The following WDR3 variants were observed in gnomAD, a reference collection of about 807,000 sequenced individuals.
The protein encoded by WDR3 is WD repeat-containing protein 3.
WDR3 carries 81 observed loss-of-function variants against 123.7 expected under a neutral mutation model. That is an observed-to-expected ratio of 0.65 (90% CI 0.55 to 0.79). The LOEUF is 0.79. Among genes scored for constraint, WDR3 ranks in the 30% least tolerant of loss-of-function variants. The pLI, the probability that WDR3 is intolerant of heterozygous loss-of-function variation, is 0.00. For synonymous variants in WDR3, 390 were observed against 388.8 expected (o/e 1.00, Z -0.04); for missense variants, 1,027 against 1,123.2 (o/e 0.91, Z 1.22).
intron 23 of WDR3, 115 bp downstream of exon 23, chr1:117,954,742 C>T (rs1651914980): frequency 1.0e-5 from 11 of 1,104,780 alleles, no homozygotes; most frequent in Non-Finnish European, 1.4e-5. Context: ...ACTTTGTCTT[C>T]AAAAGTCTCT....
At chr1:117,946,712 C>G (rs1205748711) in intron 12 of WDR3, among the ~76,000 whole-genome samples, 2 of 151,978 alleles carry the variant, frequency 1.3e-5, no homozygotes, top group African/African-American at 4.8e-5. Context: ...GAGGCCGAGG[C>G]AGGCGGATCA....
chr1:117,959,191 A>T (rs546085106), intron 26 of WDR3, 101 bp from the exon 27 acceptor site: 108 of 1,442,592 alleles, frequency 7.5e-5, no homozygotes, highest in Non-Finnish European at 9.1e-5. Flanking sequence ...GGGAAAGATA[A>T]GTAACAACAC....
rs563370032 is a variant in WDR3, at chr1:117,947,949, T to C, written c.1423-456T>C. Among the ~76,000 whole-genome samples, 92 of 152,260 alleles carry C rather than the reference T, an allele frequency of 6.0e-4. 1 individual carries two copies. In the South Asian group the frequency reaches 0.018, roughly 31 times the overall value. On this transcript the variant is annotated intron_variant, in intron 12 of 26. Coordinates refer to ENST00000349139, the MANE Select transcript of WDR3 (RefSeq NM_006784.3). ...GGTAGATCCCATTTCTTATTGTCAA[T>C]GTATTGCAGAGGAGGAAACCAAAAG...
chr1:117,948,026 C>T (rs537394969), intron 12 of WDR3, among the ~76,000 whole-genome samples: 3 of 152,262 alleles, frequency 2.0e-5, no homozygotes, highest in East Asian at 1.9e-4. Context: ...GGATCATCCG[C>T]TTAAAGGATT....
In WDR3 at chr1:117,954,040, C is replaced by T. The variant is rs1452692018; in HGVS notation, c.2302C>T (p.Arg768Ter). ...GATTATGGAGGCTATTGAGTTGTACCGAGAAGAAACTGCAAAAATGAAGGA... is the reference window on the plus strand; with the variant it reads ...GATTATGGAGGCTATTGAGTTGTACTGAGAAGAAACTGCAAAAATGAAGGA... ...ERIMEAIELY[R>*]EETAKMKEHK... is the part of the protein sequence containing the mutation. The change falls in exon 22 of 27, where the codon CGA becomes TGA. Residue 768 changes from arginine to a stop codon, truncating the protein, a stop_gained. Transcript: ENST00000349139. LOFTEE classifies it high-confidence loss of function. 22 of 1,611,512 alleles carry T rather than the reference C, an allele frequency of 1.4e-5. No individual in the cohort carries two copies. The Admixed American group carries it at 1.7e-4, about 12-fold the overall frequency.
rs985257135 is a variant in WDR3 at position 117,964,811 on chromosome 1, C to T, written c.*5364C>T. ...ACATCAGTGCTATCTGACACAAGTT[C>T]CTTTAACTTTCTCCTTCACCTCGGA... On this transcript the variant is annotated 3_prime_UTR_variant, in exon 27 of 27. Coordinates refer to ENST00000349139, the MANE Select transcript of WDR3 (RefSeq NM_006784.3). The T allele has an allele frequency of 6.6e-6, 1 of 152,186 alleles. No homozygotes were observed. The highest frequency in any genetic ancestry group is 2.4e-5 in the African/African-American group (1 of 41,448). 9.4% of individuals were successfully genotyped at this position (152,186 alleles called of 1,614,324 possible).
chr1:117,960,144 G>GTGTGTGTA lies in WDR3; in HGVS notation c.*700_*701insGTGTATGT, dbSNP rs1469358281. 8.0e-6 allele frequency: 1 copy of GTGTGTGTA among 125,156 alleles called. No individual in the cohort carries two copies. Among genetic ancestry groups the GTGTGTGTA allele is most frequent in the East Asian group, 2.5e-4 (1 of 3,972 alleles). 7.8% of individuals were successfully genotyped at this position (125,156 alleles called of 1,614,324 possible). A position where few individuals can be genotyped will look rare whatever the true frequency, so the allele number is the denominator to read the frequency against. ...TGTGTGTGTGTGTGTGTGTGTGTGT[G>GTGTGTGTA]TGTATGTGTATGTGTATGTACACAT... On this transcript the variant is annotated 3_prime_UTR_variant, in exon 27 of 27. Transcript: ENST00000349139.
intron 23 of WDR3, 197 bp from the exon 24 acceptor site, chr1:117,955,118 A>C: frequency 2.1e-6 from 1 of 473,410 alleles, no homozygotes; most frequent in South Asian, 4.6e-5. Context: ...CTTGACTTGT[A>C]GCATAGTTGG....
Position 117,966,481 on chromosome 1 carries a change from TAATA to T in WDR3, c.*7038_*7041del. 1 of 970,274 alleles carries T rather than the reference TAATA, an allele frequency of 1.0e-6. No individual in the cohort carries two copies. Among genetic ancestry groups the T allele is most frequent in the Admixed American group, 3.0e-5 (1 of 33,472 alleles). 60.1% of individuals were successfully genotyped at this position (970,274 alleles called of 1,614,324 possible). On this transcript the variant is annotated 3_prime_UTR_variant, in exon 27 of 27. Coordinates refer to ENST00000349139, the MANE Select transcript of WDR3 (RefSeq NM_006784.3). ...AGATGAATGAAGATGCTCTTTGTCT[TAATA>T]AATTTAACTCTGATTTTGAAGATAG... is the stretch of plus-strand genomic sequence containing the variant.
chr1:117,933,201 C>A, intron 1 of WDR3, 87 bp from the exon 2 acceptor site: 1 of 1,205,378 alleles, frequency 8.3e-7, no homozygotes, highest in Non-Finnish European at 1.1e-6. Flanking sequence ...GAGACTCTGT[C>A]TCAAAAACAA....
Position 117,936,868 on chromosome 1 carries a change from A to G in WDR3, c.481A>G (p.Lys161Glu), listed in dbSNP as rs751481934. 1.9e-6 allele frequency: 3 copies of G among 1,612,926 alleles called. No individual in the cohort carries two copies. The highest frequency in any genetic ancestry group is 1.7e-6 in the Non-Finnish European group (2 of 1,179,224). ...AITQALFLRE[K>E]NLLVTSGKDT... ...CACACAAGCATTGTTTCTACGAGAA[A>G]AGAACCTGCTAGTTACTAGGTAAAG... is the stretch of plus-strand genomic sequence containing the variant. The change falls in exon 4 of 27, where the codon AAG (lysine) becomes GAG (glutamate). Residue 161 changes from lysine (K) to glutamate (E), a missense_variant. Coordinates refer to ENST00000349139, the MANE Select transcript of WDR3 (RefSeq NM_006784.3).
chr1:117,931,488 C>G (rs1315616613), intron 1 of WDR3, among the ~76,000 whole-genome samples: 4 of 151,844 alleles, frequency 2.6e-5, no homozygotes, highest in African/African-American at 9.7e-5. Context: ...GAGAGGGGTA[C>G]CAGAAGTAAG....
In WDR3 at chr1:117,934,948, G is replaced by A. The variant is rs191991355; in HGVS notation, c.381+266G>A. Among the ~76,000 whole-genome samples, 42 of 152,228 alleles carry A rather than the reference G, an allele frequency of 2.8e-4. No individual in the cohort carries two copies. In the East Asian group the frequency reaches 3.7e-3, roughly 13 times the overall value. ...ATAACTCTTATTGTGGAAGTGCTAC[G>A]CAAAACAGTAAAATAAGGAAAGAAA... is the stretch of plus-strand genomic sequence containing the variant. On this transcript the variant is annotated intron_variant, in intron 3 of 26. Coordinates refer to ENST00000349139, the MANE Select transcript of WDR3 (RefSeq NM_006784.3).
At position 117,959,570 on chromosome 1, in the gene WDR3, A is replaced by G; in HGVS notation, c.*123A>G. On this transcript the variant is annotated 3_prime_UTR_variant, in exon 27 of 27. Coordinates refer to ENST00000349139, the MANE Select transcript of WDR3 (RefSeq NM_006784.3). ...AACAGAAGATCGCATTGCAGATGATATCAGGATGTGGTTTCCAGCTTTGCC... is the reference window on the plus strand; with the variant it reads ...AACAGAAGATCGCATTGCAGATGATGTCAGGATGTGGTTTCCAGCTTTGCC... 1.8e-6 allele frequency: 2 copies of G among 1,086,626 alleles called. No individual in the cohort carries two copies. Among genetic ancestry groups the G allele is most frequent in the Non-Finnish European group, 2.5e-6 (2 of 800,850 alleles). The allele number at this position is 1,086,626 out of a possible 1,614,324, so 67.3% of individuals were successfully genotyped here.
chr1:117,966,422 A>T lies in WDR3; in HGVS notation c.*6975A>T, dbSNP rs963657870. ...AGTTACTGCACATATACTATGTGTC[A>T]GGTATTTTTTTAGATTTGGCTAGGT... On this transcript the variant is annotated 3_prime_UTR_variant, in exon 27 of 27. Coordinates refer to ENST00000349139, the MANE Select transcript of WDR3 (RefSeq NM_006784.3). The T allele has an allele frequency of 8.1e-6, 4 of 493,408 alleles. No homozygotes were observed. 30.6% of individuals were successfully genotyped at this position (493,408 alleles called of 1,614,324 possible).
Position 117,943,548 on chromosome 1 carries a change from A to T in WDR3, c.1250A>T (p.Asp417Val), listed in dbSNP as rs775555443. 2 of 1,613,998 alleles carry T rather than the reference A, an allele frequency of 1.2e-6. No homozygotes were observed. Among genetic ancestry groups the T allele is most frequent in the Admixed American group, 3.3e-5 (2 of 60,000 alleles). ...SRITIGGHRSDVRTLSFSSDN... is the reference protein window; with the variant it reads ...SRITIGGHRSVVRTLSFSSDN... ...ATCACTATTGGGGGTCATCGCAGTG[A>T]TGTGCGGACTTTGTCATTCAGCTCA... Residue 417 changes from aspartate (D) to valine (V), a missense_variant, in exon 11 of 27, where the codon GAT (aspartate) becomes GTT (valine). Physicochemically the swap from Asp to Val is radical, Grantham distance 152. Transcript: ENST00000349139.
At chr1:117,931,393 TA>T (rs1466185966) in intron 1 of WDR3, among the ~76,000 whole-genome samples, 1 of 152,226 alleles carries the variant, frequency 6.6e-6, no homozygotes, top group African/African-American at 2.4e-5. Flanking sequence ...GCTATAATAA[TA>T]TTTTTTTATT....
At chr1:117,938,682 T>A in intron 5 of WDR3, 124 bp downstream of exon 5, 1 of 700,090 alleles carries the variant, frequency 1.4e-6, no homozygotes, top group Non-Finnish European at 2.3e-6. Context: ...TATGCCATCT[T>A]GAGGGACAGT....
chr1:117,944,584 G>A (rs763850723), intron 11 of WDR3, among the ~76,000 whole-genome samples: 21 of 152,112 alleles, frequency 1.4e-4, no homozygotes, highest in Admixed American at 3.9e-4. Context: ...CCAAACTTAC[G>A]TTGTTCATGT....
Sources: allele counts gnomAD v4.1 joint callset (sites outside exome capture counted in the v4.1 genomes callset), GRCh38; gene constraint gnomAD v4.1.1; transcripts MANE v1.5; gene names NCBI Gene and HGNC (gene_info 2026-07-23, HGNC 2026-07-21).